Variants in RAP1GAP2 observed in about 807,000 individuals in gnomAD.
RAP1GAP2 encodes the protein RAP1 GTPase activating protein 2, also known as rap1 GTPase-activating protein 2.
A neutral mutation model predicts 95.0 loss-of-function variants in RAP1GAP2; 27 were observed. The ratio of observed to expected loss-of-function variants is 0.28; its 90% CI spans 0.21 to 0.39. RAP1GAP2 has a LOEUF of 0.39. Among genes scored for constraint, RAP1GAP2 ranks in the 10% least tolerant of loss-of-function variants. RAP1GAP2 has a pLI of 1.00. For synonymous variants in RAP1GAP2, 373 were observed against 380.9 expected, an observed-to-expected ratio of 0.98 and a Z score of 0.24; for missense variants, 771 against 970.0, an observed-to-expected ratio of 0.79 and a Z score of 2.72.
chr17:3,007,741 G>C (rs1001621832), intron 16 of RAP1GAP2, among the ~76,000 whole-genome samples: 2 of 151,976 alleles, frequency 1.3e-5, no homozygotes, highest in Non-Finnish European at 2.9e-5. Flanking sequence ...TCTTCCTTCT[G>C]CTCCTCTACC....
intron 2 of RAP1GAP2, among the ~76,000 whole-genome samples, chr17:2,888,568 T>C (rs896988841): frequency 2.0e-5 from 3 of 152,212 alleles, no homozygotes; most frequent in African/African-American, 7.2e-5. Flanking sequence ...TCCTCCAGTT[T>C]TATGCATGTC....
At chr17:2,964,159 G>A in intron 7 of RAP1GAP2, 91 bp downstream of exon 7, 1 of 1,216,220 alleles carries the variant, frequency 8.2e-7, no homozygotes, top group South Asian at 1.4e-5. Flanking sequence ...GGGATGGGGA[G>A]AGGTTGAGGG....
intron 3 of RAP1GAP2, among the ~76,000 whole-genome samples, chr17:2,931,529 C>T (rs1447476167): frequency 6.6e-6 from 1 of 152,226 alleles, no homozygotes; most frequent in African/African-American, 2.4e-5. Context: ...CCCCCTTCTT[C>T]AGCCCCAGCT....
chr17:2,863,045 G>T (rs943239496), intron 2 of RAP1GAP2, among the ~76,000 whole-genome samples: 31 of 150,270 alleles, frequency 2.1e-4, no homozygotes, highest in African/African-American at 6.6e-4. Flanking sequence ...CATCACTTTA[G>T]GGATTCCACT....
chr17:2,770,527 GCACTGGTCCACAAATCCAC>G, intron 2 of RAP1GAP2: 1 of 398,024 alleles, frequency 2.5e-6, no homozygotes, highest in Non-Finnish European at 4.4e-6. Flanking sequence ...AGTGAGCTCC[GCACTGGTCCACAAATCCAC>G]CATGGGGAAC....
chr17:2,790,593 A>G (rs1218286013), intron 1 of RAP1GAP2, among the ~76,000 whole-genome samples: 1 of 144,474 alleles, frequency 6.9e-6, no homozygotes, highest in East Asian at 1.9e-4. Flanking sequence ...TGGGGCTGGA[A>G]TGGGTACTAC....
chr17:3,030,492 T>C (rs963139980), intron 22 of RAP1GAP2, among the ~76,000 whole-genome samples: 2 of 152,198 alleles, frequency 1.3e-5, no homozygotes, highest in African/African-American at 4.8e-5. Context: ...TTGTCGTGGC[T>C]GATCTCAAGC....
At chr17:2,771,479 C>CTTTTT (rs775623366) in intron 2 of RAP1GAP2, among the ~76,000 whole-genome samples, 1 of 131,788 alleles carries the variant, frequency 7.6e-6, no homozygotes, top group African/African-American at 3.0e-5. Context: ...ATCAAAGCCA[C>CTTTTT]TTTTTTGTTT....
chr17:3,007,327 G>A (rs563007631), intron 16 of RAP1GAP2, among the ~76,000 whole-genome samples: 5 of 152,298 alleles, frequency 3.3e-5, no homozygotes, highest in Admixed American at 1.3e-4. Flanking sequence ...CATTGAGAAC[G>A]ATGGTGACAA....
intron 3 of RAP1GAP2, among the ~76,000 whole-genome samples, chr17:2,929,556 G>A (rs904573935): frequency 3.3e-5 from 5 of 152,172 alleles, no homozygotes; most frequent in African/African-American, 9.6e-5. Flanking sequence ...ATTCCTCGTA[G>A]GGATCGTTTG....
At chr17:2,992,467 T>C (rs1245963597) in intron 12 of RAP1GAP2, among the ~76,000 whole-genome samples, 1 of 152,170 alleles carries the variant, frequency 6.6e-6, no homozygotes, top group African/African-American at 2.4e-5. Context: ...GCTCAGTCTA[T>C]GCTTTTTTAA....
At position 3,025,931 on chromosome 17, in the gene RAP1GAP2, G is replaced by A. The variant is rs576442969; in HGVS notation, c.1752-77G>A. On this transcript the variant is annotated intron_variant, in intron 19 of 24. Transcript: ENST00000254695. ...ACTGCCCCTCACCGTGCCGAGAGAG[G>A]CTCTGCCTGGGGCCGTGGATGGGGT... 20 of 1,105,826 alleles carry A rather than the reference G, an allele frequency of 1.8e-5. No individual in the cohort carries two copies. In the South Asian group the frequency reaches 2.7e-4, roughly 15 times the overall value. The allele number at this position is 1,105,826 out of a possible 1,614,324, so 68.5% of individuals were successfully genotyped here.
intron 1 of RAP1GAP2, among the ~76,000 whole-genome samples, chr17:2,786,145 T>C (rs1183435366): frequency 8.5e-5 from 13 of 152,050 alleles, no homozygotes; most frequent in Non-Finnish European, 1.5e-5. Context: ...AGGTGATCCG[T>C]CCGCCTCGGC....
intron 8 of RAP1GAP2, among the ~76,000 whole-genome samples, chr17:2,968,002 A>ATCT (rs2044692898): frequency 6.6e-6 from 1 of 152,214 alleles, no homozygotes; most frequent in Non-Finnish European, 1.5e-5. Flanking sequence ...ATAAAGAAGA[A>ATCT]GAAGTTTTAT....
rs1002297602 is a variant in RAP1GAP2, at chr17:2,797,902, C to G, written c.44+1331C>G. 1.8e-6 allele frequency: 1 copy of G among 558,362 alleles called. No individual in the cohort carries two copies. Among genetic ancestry groups the G allele is most frequent in the Non-Finnish European group, 2.3e-6 (1 of 440,142 alleles). 34.6% of individuals were successfully genotyped at this position (558,362 alleles called of 1,614,324 possible). On this transcript the variant is annotated intron_variant, in intron 1 of 24. Coordinates refer to ENST00000254695, the MANE Select transcript of RAP1GAP2 (RefSeq NM_015085.5). This position sits in a 1 kb window ranked among gnomAD's most constrained non-coding sequence, Gnocchi z 5.6. Reference sequence around the variant, plus strand: ...GCAATTAGATTGTGCCCTCCAAGGCCCGCCTTTCTCTGGGAGGTGTGGAGC... The same window carrying G: ...GCAATTAGATTGTGCCCTCCAAGGCGCGCCTTTCTCTGGGAGGTGTGGAGC...
intron 2 of RAP1GAP2, among the ~76,000 whole-genome samples, chr17:2,852,846 G>C (rs758789039): frequency 1.2e-4 from 19 of 152,206 alleles, no homozygotes; most frequent in Non-Finnish European, 2.4e-4. Flanking sequence ...GTAGGGACCA[G>C]GCCACAGCCC....
Position 2,797,646 on chromosome 17 carries a change from AT to A in RAP1GAP2, c.44+1076del. The A allele has an allele frequency of 2.1e-6, 2 of 968,558 alleles. No individual in the cohort carries two copies. The highest frequency in any genetic ancestry group is 2.5e-6 in the Non-Finnish European group (2 of 814,634). 60.0% of individuals were successfully genotyped at this position (968,558 alleles called of 1,614,324 possible). On this transcript the variant is annotated intron_variant, in intron 1 of 24. Transcript: ENST00000254695. This position sits in a 1 kb window ranked among gnomAD's most constrained non-coding sequence, Gnocchi z 5.6. ...CCTCTTCAAAAGCACTTTGCCATCC[AT>A]CCTCTGGCAGGGGGGGACTGTGGGC...
intron 3 of RAP1GAP2, among the ~76,000 whole-genome samples, chr17:2,956,730 C>A (rs9912533): frequency 0.13 from 20,084 of 152,172 alleles, 1,525 homozygotes; most frequent in African/African-American, 0.2. Context: ...CAGCCCCTCA[C>A]GCTTCCATTC....
intron 1 of RAP1GAP2, among the ~76,000 whole-genome samples, chr17:2,763,423 C>T (rs998589663): frequency 2.0e-5 from 3 of 152,082 alleles, no homozygotes; most frequent in Admixed American, 6.6e-5. Flanking sequence ...AGGCCGGGTG[C>T]GGCAGCTCAT....
Sources: gnomAD v4.1 joint callset for allele counts (sites outside exome capture counted in the v4.1 genomes callset) on GRCh38, gnomAD v4.1.1 for gene constraint, Gnocchi (gnomAD v3.1) non-coding constraint, MANE v1.5 for transcripts, NCBI Gene and HGNC (gene_info 2026-07-23, HGNC 2026-07-21) for gene names.